XPO4: variants seen among roughly 807,000 people sequenced by gnomAD.
The protein encoded by XPO4 is exportin 4.
XPO4 carries 39 observed loss-of-function variants against 143.0 expected under a neutral mutation model. That is an observed-to-expected ratio of 0.27 (90% confidence interval 0.21 to 0.36). The LOEUF is 0.36. XPO4 is among the 10% of genes least tolerant of loss of function. XPO4 has a pLI of 1.00. For synonymous variants in XPO4, 439 were observed against 474.0 expected (o/e 0.93, Z 0.96); for missense variants, 907 against 1,348.0 (o/e 0.67, Z 5.12).
intron 1 of XPO4, among the ~76,000 whole-genome samples, chr13:20,897,742 ATATT>A (rs567866231): frequency 1.3e-5 from 2 of 152,212 alleles, no homozygotes; most frequent in South Asian, 2.1e-4. Flanking sequence ...TCAGGTTTTC[ATATT>A]TATTTATTTA....
chr13:20,786,013 A>AGGAAGGAAGGAT (rs1432648879), intron 22 of XPO4, among the ~76,000 whole-genome samples: 4 of 144,730 alleles, frequency 2.8e-5, no homozygotes, highest in African/African-American at 9.9e-5. Context: ...GAAGGAAGGA[A>AGGAAGGAAGGAT]GGATCAGACA....
At chr13:20,823,568 T>TG (rs777787643) in intron 7 of XPO4, among the ~76,000 whole-genome samples, 18 of 135,446 alleles carry the variant, frequency 1.3e-4, no homozygotes, top group East Asian at 5.5e-4. Context: ...AGAATGGTTG[T>TG]GTTTTTTTCT....
intron 6 of XPO4, among the ~76,000 whole-genome samples, chr13:20,837,787 G>A (rs957305562): frequency 1.3e-5 from 2 of 152,300 alleles, no homozygotes; most frequent in Middle Eastern, 3.4e-3. Flanking sequence ...AGATGCAAAA[G>A]TGGAAACCCC....
At chr13:20,838,023 C>A (rs2059935808) in intron 6 of XPO4, among the ~76,000 whole-genome samples, 1 of 152,122 alleles carries the variant, frequency 6.6e-6, no homozygotes, top group African/African-American at 2.4e-5. Context: ...AAGCCATCCA[C>A]CGGCCTTGGC....
At chr13:20,861,774 TCTC>T (rs1329928000) in intron 3 of XPO4, among the ~76,000 whole-genome samples, 7 of 136,044 alleles carry the variant, frequency 5.1e-5, no homozygotes, top group Non-Finnish European at 9.1e-5. Context: ...TGCACATTTC[TCTC>T]TTTTTTTTTT....
intron 9 of XPO4, among the ~76,000 whole-genome samples, chr13:20,813,563 C>G (rs1410490407): frequency 6.6e-6 from 1 of 152,158 alleles, no homozygotes; most frequent in Non-Finnish European, 1.5e-5. Flanking sequence ...ACGTAATACA[C>G]TGGTCCAATC....
intron 4 of XPO4, among the ~76,000 whole-genome samples, chr13:20,845,329 C>A (rs1414578304): frequency 2.6e-5 from 4 of 152,232 alleles, no homozygotes; most frequent in African/African-American, 9.6e-5. Flanking sequence ...AATGCAAATT[C>A]TCTAGCGAAT....
chr13:20,787,293 C>T (rs771092106), intron 21 of XPO4, among the ~76,000 whole-genome samples, 188 bp downstream of exon 21: 1 of 152,100 alleles, frequency 6.6e-6, no homozygotes, highest in Non-Finnish European at 1.5e-5. Context: ...TTTCCAAGAA[C>T]ACAAAAAATA....
intron 6 of XPO4, among the ~76,000 whole-genome samples, chr13:20,835,909 C>T (rs1477308612): frequency 2.0e-5 from 3 of 152,102 alleles, no homozygotes; most frequent in Admixed American, 6.6e-5. Context: ...ATGATTGATC[C>T]ACTTATACTT....
intron 9 of XPO4, among the ~76,000 whole-genome samples, chr13:20,812,766 A>G (rs2059598545): frequency 6.6e-6 from 1 of 152,198 alleles, no homozygotes; most frequent in Non-Finnish European, 1.5e-5. Flanking sequence ...TGATACTATT[A>G]AGAGAGAACT....
chr13:20,897,997 C>A (rs967359245), intron 1 of XPO4, among the ~76,000 whole-genome samples: 7 of 152,164 alleles, frequency 4.6e-5, no homozygotes, highest in Non-Finnish European at 1.0e-4. Flanking sequence ...AGGTGATCCA[C>A]CTACTTTGGC....
rs1470760361 is a variant in XPO4, at chr13:20,862,875, A to C, written c.176-17T>G. 1 of 1,609,698 alleles carries C rather than the reference A, an allele frequency of 6.2e-7. No homozygotes were observed. Among genetic ancestry groups the C allele is most frequent in the South Asian group, 1.1e-5 (1 of 90,198 alleles). On this transcript the variant is annotated splice_polypyrimidine_tract_variant and intron_variant, in intron 2 of 22. Coordinates refer to ENST00000255305, the MANE Select transcript of XPO4 (RefSeq NM_022459.5). ...TACTAGTTTCTGAGGAGAAAATTAA[A>C]AACTTTATTTAAACAATAATTCATT...
intron 18 of XPO4, among the ~76,000 whole-genome samples, chr13:20,791,191 C>T (rs561921048): frequency 2.0e-4 from 31 of 152,118 alleles, no homozygotes; most frequent in African/African-American, 7.2e-4. Flanking sequence ...TTATCAAAGT[C>T]TGACTCTAAA....
intron 4 of XPO4, 74 bp from the exon 5 acceptor site, chr13:20,843,960 C>T (rs2060005112): frequency 9.4e-7 from 1 of 1,059,454 alleles, no homozygotes; most frequent in African/African-American, 1.6e-5. Flanking sequence ...TTTGTTCAAA[C>T]ATAATAGAAC....
chr13:20,829,088 A>G (rs759507922), intron 6 of XPO4, among the ~76,000 whole-genome samples: 2 of 152,098 alleles, frequency 1.3e-5, no homozygotes, highest in Non-Finnish European at 2.9e-5. Context: ...AAGGCAATCA[A>G]TTCTTTGTGT....
intron 4 of XPO4, among the ~76,000 whole-genome samples, chr13:20,844,591 C>G (rs976318396): frequency 6.6e-6 from 1 of 152,066 alleles, no homozygotes; most frequent in Non-Finnish European, 1.5e-5. Context: ...TCTGAACAAC[C>G]GAAAGATTAA....
At chr13:20,882,802 G>A (rs1442755785) in intron 1 of XPO4, among the ~76,000 whole-genome samples, 4 of 151,634 alleles carry the variant, frequency 2.6e-5, no homozygotes, top group Non-Finnish European at 4.4e-5. Context: ...CAAGAGAATC[G>A]CTTGAACCAG....
At chr13:20,815,133 C>T (rs181675674) in intron 9 of XPO4, among the ~76,000 whole-genome samples, 3 of 152,122 alleles carry the variant, frequency 2.0e-5, no homozygotes, top group Admixed American at 6.5e-5. Flanking sequence ...TGGAGACAGG[C>T]GAAAGATCAG....
intron 7 of XPO4, among the ~76,000 whole-genome samples, chr13:20,825,035 C>T (rs928374565): frequency 6.6e-6 from 1 of 151,994 alleles, no homozygotes; most frequent in African/African-American, 2.4e-5. Context: ...ACAGAGTCAG[C>T]AAAGTTGAGA....
Sources: gnomAD v4.1 joint callset for allele counts (sites outside exome capture counted in the v4.1 genomes callset) on GRCh38, gnomAD v4.1.1 for gene constraint, MANE v1.5 for transcripts, NCBI Gene and HGNC (gene_info 2026-07-23, HGNC 2026-07-21) for gene names.